Variants in SCNN1G observed in about 807,000 individuals in gnomAD.
SCNN1G encodes sodium channel epithelial 1 subunit gamma.
In SCNN1G, 27 loss-of-function variants were observed where a neutral mutation model predicts 64.6. The observed-to-expected ratio is 0.42, with a 90% confidence interval of 0.31 to 0.58. The LOEUF (loss-of-function observed/expected upper bound fraction) is 0.58, where lower values mean the gene tolerates loss of function less well. SCNN1G is among the 20% of genes least tolerant of loss of function. The pLI is 0.18. For synonymous variants in SCNN1G, 330 were observed against 314.2 expected (o/e 1.05, Z -0.53); for missense variants, 743 against 823.4 (o/e 0.90, Z 1.19).
chr16:23,197,535 G>A (rs1959815825), intron 6 of SCNN1G, 108 bp downstream of exon 6: 1 of 1,000,556 alleles, frequency 1.0e-6, no homozygotes, highest in South Asian at 1.3e-5. Context: ...TTTCAAAAGG[G>A]AACATGGTCC....
At chr16:23,186,095 T>C in intron 1 of SCNN1G, 133 bp from the exon 2 acceptor site, 1 of 670,738 alleles carries the variant, frequency 1.5e-6, no homozygotes, top group Non-Finnish European at 2.7e-6. Flanking sequence ...GCAAAGTGCC[T>C]AAGCCACAGA....
chr16:23,191,664 A>T (rs1959711115), intron 3 of SCNN1G, among the ~76,000 whole-genome samples: 1 of 152,142 alleles, frequency 6.6e-6, no homozygotes, highest in Non-Finnish European at 1.5e-5. Flanking sequence ...GGCCTCAATC[A>T]GTCTTCCCAC....
intron 2 of SCNN1G, among the ~76,000 whole-genome samples, chr16:23,187,345 G>T (rs906942955): frequency 2.2e-4 from 34 of 152,146 alleles, no homozygotes; most frequent in African/African-American, 8.0e-4. Flanking sequence ...CTGAGCTCAA[G>T]TGGTGCTGCC....
intron 6 of SCNN1G, among the ~76,000 whole-genome samples, chr16:23,200,967 G>A (rs1252272296): frequency 1.3e-5 from 2 of 152,198 alleles, no homozygotes; most frequent in Non-Finnish European, 2.9e-5. Context: ...CTCTCAGGAG[G>A]CATGTTACTT....
chr16:23,211,974 G>A (rs200049247), intron 7 of SCNN1G, 60 bp from the exon 8 acceptor site: 2 of 1,260,346 alleles, frequency 1.6e-6, no homozygotes, highest in Non-Finnish European at 2.3e-6. Flanking sequence ...GGATGTGCAG[G>A]AAACTCCCTG....
In SCNN1G at chr16:23,189,490, T is replaced by C; in HGVS notation, c.437T>C (p.Val146Ala). 1 of 1,614,146 alleles carries C rather than the reference T, an allele frequency of 6.2e-7. No individual in the cohort carries two copies. Among genetic ancestry groups the C allele is most frequent in the Non-Finnish European group, 8.5e-7 (1 of 1,180,014 alleles). ...CGAGAGGCGGAGTCCTGGAACTCCG[T>C]CTCAGAGGGAAAGCAGCCTAGATTC... is the stretch of plus-strand genomic sequence containing the variant. ...KRREAESWNS[V>A]SEGKQPRFSH... is the part of the protein sequence containing the mutation. Residue 146 changes from valine (V) to alanine (A), a missense_variant, in exon 3 of 13, where the codon GTC becomes GCC. Physicochemically the swap from Val to Ala is moderately conservative, Grantham distance 64. Coordinates refer to ENST00000300061, the MANE Select transcript of SCNN1G (RefSeq NM_001039.4).
chr16:23,191,336 C>T (rs867206554), intron 3 of SCNN1G, among the ~76,000 whole-genome samples: 1 of 152,176 alleles, frequency 6.6e-6, no homozygotes, highest in Non-Finnish European at 1.5e-5. Context: ...AATGGACCTT[C>T]TTCTAAATCA....
At chr16:23,206,241 C>T (rs1048915558) in intron 6 of SCNN1G, among the ~76,000 whole-genome samples, 3 of 152,186 alleles carry the variant, frequency 2.0e-5, no homozygotes, top group South Asian at 4.1e-4. Flanking sequence ...GGTCTGATAG[C>T]CACCTTGTCT....
intron 4 of SCNN1G, 54 bp downstream of exon 4, chr16:23,192,596 C>T: frequency 6.9e-7 from 1 of 1,457,762 alleles, no homozygotes; most frequent in Non-Finnish European, 9.5e-7. Flanking sequence ...CTCTGAGTAC[C>T]AGGCCCCTTG....
chr16:23,213,290 T>C, intron 11 of SCNN1G, 127 bp downstream of exon 11: 2 of 707,688 alleles, frequency 2.8e-6, no homozygotes, highest in African/African-American at 3.6e-5. Context: ...TCTTACTCTG[T>C]CACCCAGGCT....
intron 1 of SCNN1G, among the ~76,000 whole-genome samples, chr16:23,185,252 G>T (rs531528837): frequency 1.4e-4 from 21 of 152,210 alleles, no homozygotes; most frequent in African/African-American, 4.8e-4. Context: ...AAACACAAAA[G>T]GAAATATATG....
At position 23,215,521 on chromosome 16, in the gene SCNN1G, A is replaced by G. The variant is rs1260865296; in HGVS notation, c.*52A>G. On this transcript the variant is annotated 3_prime_UTR_variant, in exon 13 of 13. Transcript: ENST00000300061. ...CAGGACCACCAGCCATGGTCTAAGGACATGGATCGGGTGCCCCCAGACGTG... is the reference window on the plus strand; with the variant it reads ...CAGGACCACCAGCCATGGTCTAAGGGCATGGATCGGGTGCCCCCAGACGTG... 1.3e-6 allele frequency: 2 copies of G among 1,595,072 alleles called. No homozygotes were observed. Among genetic ancestry groups the G allele is most frequent in the Non-Finnish European group, 1.7e-6 (2 of 1,175,180 alleles).
At chr16:23,195,573 GA>G (rs1199492547) in intron 5 of SCNN1G, among the ~76,000 whole-genome samples, 1 of 152,192 alleles carries the variant, frequency 6.6e-6, no homozygotes, top group Non-Finnish European at 1.5e-5. Context: ...AAGTCTGCAA[GA>G]AATCATAATT....
chr16:23,183,653 A>C (rs1005262886), intron 1 of SCNN1G, among the ~76,000 whole-genome samples: 12 of 152,150 alleles, frequency 7.9e-5, no homozygotes, highest in African/African-American at 1.4e-4. Flanking sequence ...TCTGTGCCTC[A>C]GTTTCCTTCT....
At chr16:23,202,264 G>GTGGA (rs766730532) in intron 6 of SCNN1G, among the ~76,000 whole-genome samples, 7,766 of 98,562 alleles carry the variant, frequency 0.079, 310 homozygotes, top group African/African-American at 0.12. Context: ...GGGTGGGTGG[G>GTGGA]TGGATGGATG....
chr16:23,199,641 T>C (rs1375100524), intron 6 of SCNN1G, among the ~76,000 whole-genome samples: 1 of 150,786 alleles, frequency 6.6e-6, no homozygotes, highest in African/African-American at 2.4e-5. Flanking sequence ...TTCATAATGA[T>C]GTTTTTCTTT....
chr16:23,186,096 A>C, intron 1 of SCNN1G, 132 bp from the exon 2 acceptor site: 1 of 671,684 alleles, frequency 1.5e-6, no homozygotes, highest in Non-Finnish European at 2.7e-6. Context: ...CAAAGTGCCT[A>C]AGCCACAGAG....
chr16:23,208,721 C>T (rs1428539211), intron 6 of SCNN1G, among the ~76,000 whole-genome samples: 1 of 149,064 alleles, frequency 6.7e-6, no homozygotes, highest in Non-Finnish European at 1.5e-5. Flanking sequence ...TCCCTCCTTC[C>T]CCCCTTCCCT....
At chr16:23,192,685 T>C in intron 4 of SCNN1G, 143 bp downstream of exon 4, 1 of 712,934 alleles carries the variant, frequency 1.4e-6, no homozygotes. Flanking sequence ...GGAAACTGCT[T>C]ACATGGGAGC....
Sources: gnomAD v4.1 joint callset for allele counts (sites outside exome capture counted in the v4.1 genomes callset) on GRCh38, gnomAD v4.1.1 for gene constraint, MANE v1.5 for transcripts, NCBI Gene and HGNC (gene_info 2026-07-23, HGNC 2026-07-21) for gene names.